The following DHRSX variants were observed in gnomAD, a reference collection of about 807,000 sequenced individuals.
The protein encoded by DHRSX is dehydrogenase/reductase X-linked.
A neutral mutation model predicts 34.0 loss-of-function variants in DHRSX; 31 were observed. That is an observed-to-expected ratio of 0.91 (90% CI 0.69 to 1.23). DHRSX has a LOEUF of 1.23. Among genes scored for constraint, DHRSX ranks in the 50% most tolerant of loss-of-function variants. The probability of loss-of-function intolerance (pLI) is 0.00; values close to 1 mark genes in which losing one functional copy is unlikely to be tolerated. For synonymous variants in DHRSX, 201 were observed against 183.8 expected, an observed-to-expected ratio of 1.09 and a Z score of -0.76; for missense variants, 414 against 428.1, an observed-to-expected ratio of 0.97 and a Z score of 0.29.
intron 6 of DHRSX, among the ~76,000 whole-genome samples, chrX:2,241,313 A>C (rs949637824): frequency 6.6e-6 from 1 of 152,150 alleles, no homozygotes; most frequent in African/African-American, 2.4e-5. Context: ...GGTCTTAAAA[A>C]CCAACACCCC....
At chrX:2,466,239 G>A (rs1299649700) in intron 1 of DHRSX, among the ~76,000 whole-genome samples, 1 of 152,172 alleles carries the variant, frequency 6.6e-6, no homozygotes, top group East Asian at 1.9e-4. Flanking sequence ...GGTAGCTCAA[G>A]ACCAGACTGG....
At chrX:2,493,731 A>G (rs934129357) in intron 1 of DHRSX, among the ~76,000 whole-genome samples, 4 of 152,132 alleles carry the variant, frequency 2.6e-5, no homozygotes, top group African/African-American at 7.2e-5. Context: ...GCACTTTGGG[A>G]GGCCAAGGTG....
intron 1 of DHRSX, among the ~76,000 whole-genome samples, chrX:2,492,771 C>G (rs1053782138): frequency 1.3e-5 from 2 of 152,352 alleles, no homozygotes; most frequent in Non-Finnish European, 1.5e-5. Flanking sequence ...CCGCGTAAGC[C>G]TCCGGAGGGA....
chrX:2,491,811 C>T (rs1362847307), intron 1 of DHRSX, among the ~76,000 whole-genome samples: 5 of 152,208 alleles, frequency 3.3e-5, no homozygotes, highest in Admixed American at 2.0e-4. Flanking sequence ...AAATATCACA[C>T]ACCTGTGCAA....
At chrX:2,339,909 G>A (rs1249698649) in intron 3 of DHRSX, among the ~76,000 whole-genome samples, 1 of 152,030 alleles carries the variant, frequency 6.6e-6, no homozygotes, top group African/African-American at 2.4e-5. Flanking sequence ...GGGTCAAATG[G>A]TATTTCTGGT....
intron 4 of DHRSX, among the ~76,000 whole-genome samples, chrX:2,271,657 T>G (rs1258867957): frequency 2.6e-5 from 4 of 152,136 alleles, no homozygotes; most frequent in African/African-American, 7.2e-5. Context: ...AAGACACATG[T>G]GTATTAAACA....
chrX:2,493,575 A>G (rs957755380), intron 1 of DHRSX, among the ~76,000 whole-genome samples: 3 of 152,026 alleles, frequency 2.0e-5, no homozygotes, highest in Admixed American at 6.6e-5. Flanking sequence ...TTAGGCTGGA[A>G]GAGGTCCCAG....
intron 3 of DHRSX, among the ~76,000 whole-genome samples, chrX:2,407,346 G>A (rs1206558051): frequency 1.3e-5 from 2 of 152,150 alleles, no homozygotes; most frequent in African/African-American, 2.4e-5. Flanking sequence ...AGCAGCCACG[G>A]CTTTGACAAG....
intron 3 of DHRSX, among the ~76,000 whole-genome samples, chrX:2,299,053 C>A (rs187632597): frequency 1.5e-4 from 23 of 150,162 alleles, no homozygotes; most frequent in African/African-American, 4.7e-4. Context: ...TCATTGTCTG[C>A]GACAAATCCA....
intron 6 of DHRSX, among the ~76,000 whole-genome samples, chrX:2,233,585 T>C (rs1180265591): frequency 6.6e-6 from 1 of 151,584 alleles, no homozygotes; most frequent in African/African-American, 2.4e-5. Flanking sequence ...TCCTGGAGAG[T>C]GTTGGAGCTG....
intron 3 of DHRSX, among the ~76,000 whole-genome samples, chrX:2,313,526 G>A (rs968982076): frequency 4.0e-5 from 6 of 151,760 alleles, no homozygotes; most frequent in Admixed American, 1.3e-4. Flanking sequence ...GCGCCACCAT[G>A]CCCAGCTAAT....
chrX:2,362,885 TGCC>T (rs1444256103), intron 3 of DHRSX, among the ~76,000 whole-genome samples: 22 of 127,264 alleles, frequency 1.7e-4, no homozygotes, highest in African/African-American at 5.0e-4. Context: ...TATGATATCA[TGCC>T]GCCATTTTAT....
chrX:2,274,226 C>T lies in DHRSX; in HGVS notation c.389-7279G>A, dbSNP rs147024504. On this transcript the variant is annotated intron_variant, in intron 4 of 6. Coordinates refer to ENST00000334651, the MANE Select transcript of DHRSX (RefSeq NM_145177.3). Reference sequence around the variant, plus strand: ...CTATTTTTTGTATTTTTAGTAGAGACGGGGTTTCACCATGTTGGCCAGGCT... The same window carrying T: ...CTATTTTTTGTATTTTTAGTAGAGATGGGGTTTCACCATGTTGGCCAGGCT... 8.0e-3 allele frequency among the ~76,000 whole-genome samples: 1,219 copies of T among 151,668 alleles called. 6 individuals carry two copies. The highest frequency in any genetic ancestry group is 0.014 in the Non-Finnish European group (931 of 67,918).
intron 3 of DHRSX, among the ~76,000 whole-genome samples, chrX:2,355,958 C>T (rs1231472301): frequency 6.7e-6 from 1 of 150,260 alleles, no homozygotes; most frequent in African/African-American, 2.5e-5. Flanking sequence ...TCCAGCTACT[C>T]GGGAGGCTAA....
chrX:2,361,150 C>T (rs1404593456), intron 3 of DHRSX, among the ~76,000 whole-genome samples: 7 of 152,032 alleles, frequency 4.6e-5, no homozygotes, highest in African/African-American at 1.2e-4. Flanking sequence ...TTCACTCTGT[C>T]GCCAGGCTGG....
intron 3 of DHRSX, among the ~76,000 whole-genome samples, chrX:2,313,184 A>G (rs956322818): frequency 2.0e-5 from 3 of 150,428 alleles, no homozygotes; most frequent in Admixed American, 1.3e-4. Context: ...TTGTATTTTT[A>G]GTCAAGACGG....
intron 1 of DHRSX, among the ~76,000 whole-genome samples, chrX:2,449,519 C>A (rs903857140): frequency 1.3e-5 from 2 of 152,122 alleles, no homozygotes; most frequent in African/African-American, 2.4e-5. Flanking sequence ...GAGACAGGGT[C>A]ACACCCAGGC....
chrX:2,412,073 C>T (rs1474747591), intron 2 of DHRSX, among the ~76,000 whole-genome samples: 1 of 152,226 alleles, frequency 6.6e-6, no homozygotes, highest in Non-Finnish European at 1.5e-5. Context: ...GGACGTGGGA[C>T]ATTTGGCCTC....
chrX:2,282,354 A>T (rs185240557), intron 4 of DHRSX, among the ~76,000 whole-genome samples: 1 of 137,210 alleles, frequency 7.3e-6, no homozygotes, highest in East Asian at 2.4e-4. Context: ...AGGAAGAGAG[A>T]AGGAGAGGGA....
Sources: gnomAD v4.1 joint callset for allele counts (sites outside exome capture counted in the v4.1 genomes callset) on GRCh38, gnomAD v4.1.1 for gene constraint, MANE v1.5 for transcripts, NCBI Gene and HGNC (gene_info 2026-07-23, HGNC 2026-07-21) for gene names.